Variants in POC1A observed in about 807,000 individuals in gnomAD.
The protein encoded by POC1A is POC1 centriolar protein A.
In POC1A, 34 loss-of-function variants were observed where a neutral mutation model predicts 47.8. That is an observed-to-expected ratio of 0.71 (90% CI 0.54 to 0.95). The LOEUF is 0.95. POC1A is among the 40% of genes least tolerant of loss of function. POC1A has a pLI of 0.00. For missense variants in POC1A, 466 were observed against 528.3 expected (o/e 0.88, Z 1.16); for synonymous variants, 177 against 207.6 (o/e 0.85, Z 1.27).
rs116225137 is a variant in POC1A at position 52,110,084 on chromosome 3, C to G, written c.981+12295G>C. 7.2e-3 allele frequency among the ~76,000 whole-genome samples: 1,098 copies of G among 152,300 alleles called. 16 individuals are homozygous for G. The highest frequency in any genetic ancestry group is 0.025 in the African/African-American group (1,038 of 41,548). Reference sequence around the variant, plus strand: ...CCATCAAAAATGCCAAAAGGAAAGACAGCCCGCCTCTAGCCTCACACACTC... The same window carrying G: ...CCATCAAAAATGCCAAAAGGAAAGAGAGCCCGCCTCTAGCCTCACACACTC... On this transcript the variant is annotated intron_variant, in intron 9 of 10. Transcript: ENST00000296484.
rs1019830991 is a variant in POC1A at position 52,084,370 on chromosome 3, G to A, written c.1126-8385C>T. On this transcript the variant is annotated intron_variant, in intron 10 of 10. Coordinates refer to ENST00000296484, the MANE Select transcript of POC1A (RefSeq NM_015426.5). The surrounding 1 kb of genome is among the most constrained non-coding windows in gnomAD (Gnocchi z 4.3). ...CTGGAGCCGTAACTTCTCCAAAACT[G>A]AGGAGTTGTGGGACACTCACGACCC... Among the ~76,000 whole-genome samples the A allele has an allele frequency of 6.6e-6, 1 of 152,174 alleles. No individual in the cohort carries two copies. The highest frequency in any genetic ancestry group is 1.5e-5 in the Non-Finnish European group (1 of 68,038).
chr3:52,147,192 T>G, intron 4 of POC1A, 97 bp from the exon 5 acceptor site: 2 of 969,412 alleles, frequency 2.1e-6, no homozygotes, highest in South Asian at 2.7e-5. Flanking sequence ...GTGCCTACTA[T>G]CTGCCTGCAG....
intron 10 of POC1A, among the ~76,000 whole-genome samples, chr3:52,082,646 C>A (rs2106930901): frequency 6.6e-6 from 1 of 152,246 alleles, no homozygotes; most frequent in Non-Finnish European, 1.5e-5. Flanking sequence ...ACTCACAGTT[C>A]AAGACGTGTA....
chr3:52,100,607 C>T (rs1332604185), intron 9 of POC1A, among the ~76,000 whole-genome samples: 3 of 152,140 alleles, frequency 2.0e-5, no homozygotes, highest in East Asian at 1.9e-4. Context: ...AAATACCATA[C>T]GAGTGGGTAA....
intron 6 of POC1A, 60 bp downstream of exon 6, chr3:52,145,786 C>T: frequency 1.8e-6 from 2 of 1,096,060 alleles, no homozygotes; most frequent in Non-Finnish European, 2.8e-6. Flanking sequence ...GGACAACATC[C>T]AACACCATCA....
chr3:52,082,999 C>A (rs906268306), intron 10 of POC1A, among the ~76,000 whole-genome samples: 1 of 152,168 alleles, frequency 6.6e-6, no homozygotes, highest in African/African-American at 2.4e-5. Context: ...GCCGTATCAT[C>A]CTCCACGCCC....
chr3:52,096,846 G>C, intron 9 of POC1A, 134 bp from the exon 10 acceptor site: 1 of 771,968 alleles, frequency 1.3e-6, no homozygotes, highest in Non-Finnish European at 2.0e-6. Flanking sequence ...GTGTCAGTAA[G>C]AAACAGCAGC....
chr3:52,131,665 GA>G (rs2107132794), intron 7 of POC1A, among the ~76,000 whole-genome samples: 1 of 152,304 alleles, frequency 6.6e-6, no homozygotes, highest in African/African-American at 2.4e-5. Flanking sequence ...GCAAACCCAC[GA>G]GGGCAGCTGG....
chr3:52,147,699 C>T (rs1020787636), intron 4 of POC1A, among the ~76,000 whole-genome samples: 7 of 152,126 alleles, frequency 4.6e-5, no homozygotes, highest in African/African-American at 1.7e-4. Context: ...CCACCTCATC[C>T]ACCCAAAGTG....
At chr3:52,082,882 A>G (rs1348648552) in intron 10 of POC1A, among the ~76,000 whole-genome samples, 44 of 152,122 alleles carry the variant, frequency 2.9e-4, no homozygotes, top group Admixed American at 2.8e-3. Flanking sequence ...TCTGCACCTC[A>G]CTACCTCAGA....
At chr3:52,119,072 A>G (rs1304629146) in intron 9 of POC1A, among the ~76,000 whole-genome samples, 1 of 151,888 alleles carries the variant, frequency 6.6e-6, no homozygotes, top group East Asian at 1.9e-4. Context: ...CTACAAAATG[A>G]CTTCTGTTAG....
At chr3:52,113,431 G>A (rs1025247727) in intron 9 of POC1A, among the ~76,000 whole-genome samples, 6 of 152,216 alleles carry the variant, frequency 3.9e-5, no homozygotes, top group African/African-American at 1.2e-4. Flanking sequence ...GGCTGGGCAC[G>A]GTGGCTCACG....
At chr3:52,143,048 C>T (rs1698250269) in intron 6 of POC1A, among the ~76,000 whole-genome samples, 1 of 152,072 alleles carries the variant, frequency 6.6e-6, no homozygotes, top group African/African-American at 2.4e-5. Context: ...CCACTGGCCA[C>T]GGCATTGAGC....
intron 10 of POC1A, among the ~76,000 whole-genome samples, chr3:52,094,103 G>A (rs1702729489): frequency 6.6e-6 from 1 of 152,212 alleles, no homozygotes; most frequent in Non-Finnish European, 1.5e-5. Flanking sequence ...GGGAAGGGAT[G>A]GTGGAGGCAA....
rs1407566108 is a variant in POC1A at position 52,075,767 on chromosome 3, G to C, written c.*120C>G. ...GAGGGCAGAACTGCAAAAATCCAGG[G>C]CTCCAGTATGGATGTGATTCCCACA... On this transcript the variant is annotated 3_prime_UTR_variant, in exon 11 of 11. Coordinates refer to ENST00000296484, the MANE Select transcript of POC1A (RefSeq NM_015426.5). 6.4e-6 allele frequency: 5 copies of C among 782,840 alleles called. No individual in the cohort carries two copies. Among genetic ancestry groups the C allele is most frequent in the Non-Finnish European group, 1.1e-5 (5 of 450,060 alleles). The allele number at this position is 782,840 out of a possible 1,614,324, so 48.5% of individuals were successfully genotyped here. A position where few individuals can be genotyped will look rare whatever the true frequency, so the allele number is the denominator to read the frequency against.
intron 9 of POC1A, among the ~76,000 whole-genome samples, chr3:52,100,818 A>T (rs747852411): frequency 9.2e-5 from 14 of 152,136 alleles, no homozygotes; most frequent in Non-Finnish European, 7.4e-5. Context: ...CAGGCCTAGG[A>T]GAGGAGAGTG....
At chr3:52,109,001 G>C (rs2107030439) in intron 9 of POC1A, among the ~76,000 whole-genome samples, 1 of 152,276 alleles carries the variant, frequency 6.6e-6, no homozygotes, top group Non-Finnish European at 1.5e-5. Context: ...CTCTCCTGGA[G>C]GACATCAGGA....
intron 10 of POC1A, 107 bp from the exon 11 acceptor site, chr3:52,076,092 C>T: frequency 1.3e-6 from 1 of 777,638 alleles, no homozygotes; most frequent in Non-Finnish European, 2.3e-6. Context: ...TGCCCAAATG[C>T]CAGCTGGCTC....
chr3:52,143,495 G>A (rs926818377), intron 6 of POC1A, among the ~76,000 whole-genome samples: 1 of 152,072 alleles, frequency 6.6e-6, no homozygotes, highest in South Asian at 2.1e-4. Flanking sequence ...GCTTGGAGAC[G>A]GGGTTCATAC....
Sources: gnomAD v4.1 joint callset for allele counts (sites outside exome capture counted in the v4.1 genomes callset) on GRCh38, gnomAD v4.1.1 for gene constraint, Gnocchi (gnomAD v3.1) non-coding constraint, MANE v1.5 for transcripts, NCBI Gene and HGNC (gene_info 2026-07-23, HGNC 2026-07-21) for gene names.